The following LARGE1 variants were observed in gnomAD, a reference collection of about 807,000 sequenced individuals.
LARGE1 encodes xylosyl- and glucuronyltransferase LARGE1.
LARGE1 carries 43 observed loss-of-function variants against 87.6 expected under a neutral mutation model. The ratio of observed to expected loss-of-function variants is 0.49; its 90% CI spans 0.38 to 0.63. The LOEUF (loss-of-function observed/expected upper bound fraction) is 0.63. Among genes scored for constraint, LARGE1 ranks in the 30% least tolerant of loss-of-function variants. LARGE1 has a pLI of 0.00. For missense variants in LARGE1, 802 were observed against 1,000.2 expected (o/e 0.80, Z 2.67); for synonymous variants, 434 against 394.6 (o/e 1.10, Z -1.18).
intron 1 of LARGE1, among the ~76,000 whole-genome samples, chr22:33,835,911 T>A (rs1030011486): frequency 2.0e-5 from 3 of 152,142 alleles, no homozygotes; most frequent in African/African-American, 7.2e-5. Flanking sequence ...CCATTCCTCT[T>A]CCTCCCAACT....
chr22:33,668,495 C>T (rs1238010820), intron 2 of LARGE1, among the ~76,000 whole-genome samples: 2 of 152,312 alleles, frequency 1.3e-5, no homozygotes, highest in South Asian at 2.1e-4. Context: ...CTTATTATAT[C>T]GGTTAAGTCA....
chr22:33,463,819 C>G (rs2068477677), intron 6 of LARGE1, among the ~76,000 whole-genome samples: 1 of 152,086 alleles, frequency 6.6e-6, no homozygotes, highest in Non-Finnish European at 1.5e-5. Context: ...ATTACAGGTG[C>G]CTGCTACCAC....
intron 4 of LARGE1, among the ~76,000 whole-genome samples, chr22:33,608,970 A>G (rs942262113): frequency 3.9e-5 from 6 of 152,234 alleles, no homozygotes; most frequent in Admixed American, 6.5e-5. Context: ...AGATTTCAAT[A>G]CAGGTTATCT....
intron 12 of LARGE1, among the ~76,000 whole-genome samples, chr22:33,294,235 G>C (rs988782616): frequency 3.3e-5 from 5 of 152,230 alleles, no homozygotes; most frequent in Admixed American, 1.3e-4. Context: ...ATGCTGACAA[G>C]TGACAAACTA....
chr22:33,435,191 AG>A (rs1450454433), intron 6 of LARGE1, among the ~76,000 whole-genome samples: 5 of 152,110 alleles, frequency 3.3e-5, no homozygotes, highest in Non-Finnish European at 7.4e-5. Flanking sequence ...TAGCAGAGAC[AG>A]GGTTTCGCCA....
chr22:33,840,740 G>A (rs547663064), intron 1 of LARGE1, among the ~76,000 whole-genome samples: 4 of 151,934 alleles, frequency 2.6e-5, no homozygotes, highest in East Asian at 1.9e-4. Context: ...GCGTGATCAC[G>A]GCTCACTGCA....
chr22:33,464,888 CACAT>C lies in LARGE1; in HGVS notation c.788-32627_788-32624del, dbSNP rs1210088065. On this transcript the variant is annotated intron_variant, in intron 6 of 14. Coordinates refer to ENST00000397394, the MANE Select transcript of LARGE1 (RefSeq NM_133642.5). The stretch of plus-strand genomic sequence containing the variant: ...CACACACACTGCACACACATGCACA[CACAT>C]ACACACACACACACATACACATGCA... Among the ~76,000 whole-genome samples the C allele has an allele frequency of 7.2e-3, 895 of 123,632 alleles. 2 individuals carry two copies. Among genetic ancestry groups the C allele is most frequent in the African/African-American group, 0.045 (818 of 18,046 alleles). The allele number at this position is 123,632 out of a possible 152,430, so 81.1% of individuals were successfully genotyped here.
chr22:33,693,113 G>A (rs901058068), intron 2 of LARGE1, among the ~76,000 whole-genome samples: 15 of 152,298 alleles, frequency 9.8e-5, no homozygotes, highest in African/African-American at 3.6e-4. Context: ...CGATGGAGCT[G>A]GAGGCCACTA....
chr22:33,870,799 C>G (rs144358009), intron 1 of LARGE1, among the ~76,000 whole-genome samples: 1,768 of 152,252 alleles, frequency 0.012, 31 homozygotes, highest in African/African-American at 0.041. Context: ...AACTCCTGAC[C>G]TCAGGTGATC....
chr22:33,776,619 C>T (rs1053523986), intron 1 of LARGE1, among the ~76,000 whole-genome samples: 14 of 152,214 alleles, frequency 9.2e-5, no homozygotes, highest in Admixed American at 4.6e-4. Context: ...ATTCTGGAAA[C>T]GGACGACGTA....
chr22:33,390,577 C>T (rs549784428), intron 7 of LARGE1, among the ~76,000 whole-genome samples: 1 of 152,254 alleles, frequency 6.6e-6, no homozygotes, highest in African/African-American at 2.4e-5. Flanking sequence ...TCGGCTGACA[C>T]AGGCTCATGT....
rs189179868 is a variant in LARGE1 at position 33,660,445 on chromosome 22, C to A, written c.107-9777G>T. ...AGGTGAATAGATATTCACCGCAAATCCTGACAATTGATCTGTGTGTGAGAG... is the reference window on the plus strand; with the variant it reads ...AGGTGAATAGATATTCACCGCAAATACTGACAATTGATCTGTGTGTGAGAG... On this transcript the variant is annotated intron_variant, in intron 2 of 14. Coordinates refer to ENST00000397394, the MANE Select transcript of LARGE1 (RefSeq NM_133642.5). Among the ~76,000 whole-genome samples the A allele has an allele frequency of 1.7e-4, 26 of 152,282 alleles. 1 individual carries two copies. The highest frequency in any genetic ancestry group is 3.1e-4 in the Non-Finnish European group (21 of 68,018).
At chr22:33,855,340 A>C (rs1239714859) in intron 1 of LARGE1, among the ~76,000 whole-genome samples, 1 of 152,258 alleles carries the variant, frequency 6.6e-6, no homozygotes, top group East Asian at 1.9e-4. Flanking sequence ...TCTCAAAAAA[A>C]ATAAATAAAT....
At chr22:33,713,966 AATAACGTAAC>A (rs71320989) in intron 2 of LARGE1, among the ~76,000 whole-genome samples, 11,630 of 132,014 alleles carry the variant, frequency 0.088, 531 homozygotes, top group East Asian at 0.12. Flanking sequence ...AGAAAAAGTA[AATAACGTAAC>A]ATAACGTAAC....
At chr22:33,364,431 C>T (rs1416896710) in intron 9 of LARGE1, among the ~76,000 whole-genome samples, 1 of 152,154 alleles carries the variant, frequency 6.6e-6, no homozygotes, top group Non-Finnish European at 1.5e-5. Context: ...GAAGGACCTC[C>T]TAATTGCTGT....
intron 11 of LARGE1, among the ~76,000 whole-genome samples, chr22:33,207,619 T>A (rs548128004): frequency 1.2e-3 from 178 of 152,282 alleles, no homozygotes; most frequent in African/African-American, 4.1e-3. Context: ...AAACTCATGA[T>A]CCTCACCCAC....
intron 2 of LARGE1, chr22:33,750,840 T>C (rs981708920): frequency 6.6e-6 from 1 of 152,194 alleles, no homozygotes; most frequent in Non-Finnish European, 1.5e-5. Flanking sequence ...TCCACTCTCA[T>C]AGGGTGAATA....
Position 33,826,428 on chromosome 22 carries a change from C to T in LARGE1, c.-82-64870G>A, listed in dbSNP as rs545002248. 3.6e-4 allele frequency among the ~76,000 whole-genome samples: 55 copies of T among 151,652 alleles called. 1 individual carries two copies. The highest frequency in any genetic ancestry group is 6.2e-4 in the Non-Finnish European group (42 of 67,968). Reference sequence around the variant, plus strand: ...CGCAATCTCGGCTCGCTGCAACCTCCGCCTCCTGGGTTCAAGCAGTTCTCC... The same window carrying T: ...CGCAATCTCGGCTCGCTGCAACCTCTGCCTCCTGGGTTCAAGCAGTTCTCC... On this transcript the variant is annotated intron_variant, in intron 1 of 14. Coordinates refer to ENST00000397394, the MANE Select transcript of LARGE1 (RefSeq NM_133642.5).
At chr22:33,297,413 A>T (rs1266040107) in intron 12 of LARGE1, among the ~76,000 whole-genome samples, 1 of 152,058 alleles carries the variant, frequency 6.6e-6, no homozygotes, top group Non-Finnish European at 1.5e-5. Flanking sequence ...GTCTGAGACC[A>T]GCCTGGCCAA....
Sources: allele counts gnomAD v4.1 joint callset (sites outside exome capture counted in the v4.1 genomes callset), GRCh38; gene constraint gnomAD v4.1.1; transcripts MANE v1.5; gene names NCBI Gene and HGNC (gene_info 2026-07-23, HGNC 2026-07-21).